LPP: variants seen among roughly 807,000 people sequenced by gnomAD.
The protein encoded by LPP is lipoma-preferred partner.
LPP carries 38 observed loss-of-function variants against 60.4 expected under a neutral mutation model. The observed-to-expected ratio is 0.63, with a 90% CI of 0.49 to 0.83. The LOEUF (loss-of-function observed/expected upper bound fraction) is 0.83, where lower values mean the gene tolerates loss of function less well. LPP is among the 40% of genes least tolerant of loss of function. LPP has a pLI of 0.00. For missense variants in LPP, 902 were observed against 783.6 expected (o/e 1.15, Z -1.80); for synonymous variants, 328 against 290.8 (o/e 1.13, Z -1.30).
At position 188,502,283 on chromosome 3, in the gene LPP, A is replaced by G. The variant is rs1812151809; in HGVS notation, c.306+17579A>G. Reference sequence around the variant, plus strand: ...GGTAATTTTTGGTTTATATATTTTGATGATCTTTTATTAGGTGTGTATACA... The same window carrying G: ...GGTAATTTTTGGTTTATATATTTTGGTGATCTTTTATTAGGTGTGTATACA... On this transcript the variant is annotated intron_variant, in intron 5 of 11. Transcript: ENST00000617246. 3.3e-5 allele frequency among the ~76,000 whole-genome samples: 5 copies of G among 152,026 alleles called. 1 individual carries two copies. The highest frequency in any genetic ancestry group is 3.3e-4 in the Admixed American group (5 of 15,258).
chr3:188,337,042 T>A (rs901931633), intron 2 of LPP, among the ~76,000 whole-genome samples: 2 of 152,182 alleles, frequency 1.3e-5, no homozygotes, highest in Non-Finnish European at 2.9e-5. Flanking sequence ...GGCAGGGTAC[T>A]GCTTCAGCAC....
intron 2 of LPP, among the ~76,000 whole-genome samples, chr3:188,228,919 G>A (rs930714774): frequency 1.3e-5 from 2 of 152,126 alleles, no homozygotes; most frequent in Non-Finnish European, 2.9e-5. Context: ...CATTATTACA[G>A]TTGTCTTCTT....
intron 7 of LPP, among the ~76,000 whole-genome samples, chr3:188,652,204 T>G (rs1442615067): frequency 4.8e-4 from 73 of 152,188 alleles, no homozygotes; most frequent in Non-Finnish European, 2.9e-5. Flanking sequence ...AGAAATTGTT[T>G]TTGCCACTGA....
chr3:188,333,290 A>G (rs913743064), intron 2 of LPP, among the ~76,000 whole-genome samples: 2 of 152,120 alleles, frequency 1.3e-5, no homozygotes, highest in South Asian at 2.1e-4. Flanking sequence ...TTTTTTCTCT[A>G]TTGCAAAGTG....
chr3:188,635,436 C>T (rs1044280614), intron 7 of LPP, among the ~76,000 whole-genome samples: 7 of 152,204 alleles, frequency 4.6e-5, no homozygotes, highest in African/African-American at 1.4e-4. Flanking sequence ...TGGTTCTAGT[C>T]TGTCCACAAA....
intron 3 of LPP, among the ~76,000 whole-genome samples, chr3:188,388,399 G>T (rs1052591606): frequency 6.6e-6 from 1 of 152,134 alleles, no homozygotes; most frequent in East Asian, 1.9e-4. Context: ...ATAGGTAAAA[G>T]AAATCTGCAA....
chr3:188,510,778 T>A (rs886869144), intron 5 of LPP, among the ~76,000 whole-genome samples: 1 of 152,362 alleles, frequency 6.6e-6, no homozygotes, highest in East Asian at 1.9e-4. Flanking sequence ...TATATCTTTA[T>A]GCTCATGTTG....
intron 2 of LPP, among the ~76,000 whole-genome samples, chr3:188,247,892 T>C (rs920231067): frequency 5.3e-5 from 8 of 152,128 alleles, no homozygotes; most frequent in African/African-American, 1.9e-4. Context: ...TTAGTGGATG[T>C]AGAAGAGTTT....
intron 2 of LPP, among the ~76,000 whole-genome samples, chr3:188,323,547 A>T (rs1178442714): frequency 6.6e-6 from 1 of 152,226 alleles, no homozygotes; most frequent in East Asian, 1.9e-4. Context: ...ATGGAAAAGC[A>T]CTAGAGTTTG....
At chr3:188,170,675 C>T (rs1048936062) in intron 1 of LPP, among the ~76,000 whole-genome samples, 3 of 152,078 alleles carry the variant, frequency 2.0e-5, no homozygotes, top group Non-Finnish European at 4.4e-5. Flanking sequence ...TCTAGTCAGT[C>T]TAGTTTCCGT....
chr3:188,611,704 A>G (rs1843750786), intron 7 of LPP, among the ~76,000 whole-genome samples: 1 of 152,230 alleles, frequency 6.6e-6, no homozygotes, highest in Non-Finnish European at 1.5e-5. Flanking sequence ...TATCCCACAT[A>G]GGAACCAGAC....
chr3:188,581,972 T>C (rs1480710973), intron 6 of LPP, among the ~76,000 whole-genome samples: 1 of 8,962 alleles, frequency 1.1e-4, no homozygotes, highest in African/African-American at 2.3e-4. Flanking sequence ...AGAGTTTCCC[T>C]TTTGTACTTG....
At chr3:188,273,118 C>T (rs1738374684) in intron 2 of LPP, among the ~76,000 whole-genome samples, 1 of 152,082 alleles carries the variant, frequency 6.6e-6, no homozygotes, top group Non-Finnish European at 1.5e-5. Flanking sequence ...CCCAGTAAAG[C>T]AGGATAAAAA....
intron 6 of LPP, among the ~76,000 whole-genome samples, chr3:188,581,727 AC>A (rs1836197972): frequency 6.6e-6 from 1 of 151,680 alleles, no homozygotes; most frequent in South Asian, 2.1e-4. Flanking sequence ...GCTCTATTTT[AC>A]CTCCTAAATC....
In LPP at chr3:188,484,689, G is replaced by A. The variant is rs1467145642; in HGVS notation, c.291G>A (p.Glu97=). The part of the protein sequence containing the change: ...NFPPPPPLDE[E]AFKVQGNPGG... ...CTCCTCCACCACCTCTTGATGAAGA[G>A]GCTTTCAAAGTACAGGTAAGAGCTG... The change falls in exon 5 of 12, where the codon GAG becomes GAA. Residue 97 remains glutamate (E), a synonymous_variant. Transcript: ENST00000617246. The A allele has an allele frequency of 6.2e-6, 10 of 1,610,448 alleles. No individual in the cohort carries two copies. The highest frequency in any genetic ancestry group is 7.6e-6 in the Non-Finnish European group (9 of 1,176,890).
intron 9 of LPP, among the ~76,000 whole-genome samples, chr3:188,763,535 C>CTT (rs1302352554): frequency 1.3e-5 from 2 of 152,050 alleles, no homozygotes; most frequent in Non-Finnish European, 2.9e-5. Flanking sequence ...AATCTTTGTG[C>CTT]TTAAGTAGTT....
intron 2 of LPP, among the ~76,000 whole-genome samples, chr3:188,295,023 T>A (rs769132924): frequency 2.0e-5 from 3 of 152,226 alleles, no homozygotes; most frequent in Non-Finnish European, 2.9e-5. Context: ...TCAGGGTCAT[T>A]GTCCCACCTT....
At chr3:188,328,242 C>G (rs907564369) in intron 2 of LPP, among the ~76,000 whole-genome samples, 3 of 151,952 alleles carry the variant, frequency 2.0e-5, no homozygotes, top group Non-Finnish European at 2.9e-5. Context: ...TATTAAAATC[C>G]ATTGGTCAAA....
intron 1 of LPP, among the ~76,000 whole-genome samples, chr3:188,156,112 A>G (rs532156840): frequency 6.6e-6 from 1 of 152,364 alleles, no homozygotes; most frequent in Admixed American, 6.5e-5. Flanking sequence ...CCAAAACTTT[A>G]TAGTCTAGAA....
Sources: gnomAD v4.1 joint callset for allele counts (sites outside exome capture counted in the v4.1 genomes callset) on GRCh38, gnomAD v4.1.1 for gene constraint, MANE v1.5 for transcripts, NCBI Gene and HGNC (gene_info 2026-07-23, HGNC 2026-07-21) for gene names.